The following ARHGEF28 variants were observed in gnomAD, a reference collection of about 807,000 sequenced individuals.
The protein encoded by ARHGEF28 is Rho guanine nucleotide exchange factor 28, also known as 190 kDa guanine nucleotide exchange factor.
In ARHGEF28, 152 loss-of-function variants were observed where a neutral mutation model predicts 206.6. That is an observed-to-expected ratio of 0.74 (90% CI 0.64 to 0.84). The LOEUF (loss-of-function observed/expected upper bound fraction) is 0.84. ARHGEF28 is among the 40% of genes least tolerant of loss of function. The pLI is 0.00. For synonymous variants in ARHGEF28, 763 were observed against 776.4 expected (o/e 0.98, Z 0.29); for missense variants, 2,028 against 2,073.2 (o/e 0.98, Z 0.42).
rs4066802 is a variant in ARHGEF28 at position 73,857,564 on chromosome 5, TACAC to T, written c.1791-72_1791-69del. 417,839 of 1,185,522 alleles carry T rather than the reference TACAC, an allele frequency of 0.35. 53,912 individuals carry two copies. The highest frequency in any genetic ancestry group is 0.43 in the Admixed American group (15,168 of 35,104). The allele number at this position is 1,185,522 out of a possible 1,614,324, so 73.4% of individuals were successfully genotyped here. ...AAATACATACACATACATATATGTG[TACAC>T]ACACACACACACACACACATACACA... On this transcript the variant is annotated intron_variant, in intron 14 of 35. Coordinates refer to ENST00000513042, the MANE Select transcript of ARHGEF28 (RefSeq NM_001177693.2).
intron 1 of ARHGEF28, among the ~76,000 whole-genome samples, chr5:73,637,038 ATTG>A (rs1182564351): frequency 6.6e-6 from 1 of 152,150 alleles, no homozygotes; most frequent in Non-Finnish European, 1.5e-5. Flanking sequence ...AGCTCATGTT[ATTG>A]TTGTCAGAAT....
At chr5:73,699,205 TG>T (rs1652251399) in intron 2 of ARHGEF28, among the ~76,000 whole-genome samples, 1 of 150,792 alleles carries the variant, frequency 6.6e-6, no homozygotes, top group African/African-American at 2.4e-5. Flanking sequence ...GTGTGTGTGG[TG>T]GGGTGGGGAG....
At chr5:73,824,680 G>A (rs1055122611) in intron 9 of ARHGEF28, among the ~76,000 whole-genome samples, 3 of 151,992 alleles carry the variant, frequency 2.0e-5, no homozygotes, top group Non-Finnish European at 2.9e-5. Context: ...GTTGTCCAGG[G>A]TGGTCTTGAA....
chr5:73,858,539 A>G (rs1347259755), intron 16 of ARHGEF28, among the ~76,000 whole-genome samples: 1 of 152,106 alleles, frequency 6.6e-6, no homozygotes, highest in Non-Finnish European at 1.5e-5. Context: ...TTCCAACCAG[A>G]TGTTCATGCC....
intron 1 of ARHGEF28, among the ~76,000 whole-genome samples, chr5:73,678,950 A>G (rs1034115071): frequency 6.6e-6 from 1 of 152,214 alleles, no homozygotes; most frequent in Non-Finnish European, 1.5e-5. Flanking sequence ...GTGCAGTGGC[A>G]CGATCATACC....
intron 4 of ARHGEF28, among the ~76,000 whole-genome samples, chr5:73,771,188 T>C (rs1182007669): frequency 6.6e-6 from 1 of 152,126 alleles, no homozygotes; most frequent in African/African-American, 2.4e-5. Flanking sequence ...GGAAAGAAAA[T>C]TACAATCCAT....
Position 73,870,193 on chromosome 5 carries a change from A to G in ARHGEF28, c.2550A>G (p.Arg850=). 1 of 1,613,746 alleles carries G rather than the reference A, an allele frequency of 6.2e-7. No homozygotes were observed. The highest frequency in any genetic ancestry group is 8.5e-7 in the Non-Finnish European group (1 of 1,179,794). ...CNRQEKDVIK[R]QDVIFELMQT... is the part of the protein sequence containing the mutation. ...GGCAGGAGAAGGATGTCATCAAAAG[A>G]CAGGATGTCATTTTTGGTAAGCGTT... is the stretch of plus-strand genomic sequence containing the variant. Residue 850 remains arginine, a synonymous_variant, in exon 21 of 36, where the codon AGA becomes AGG. Transcript: ENST00000513042.
In ARHGEF28 at chr5:73,893,243, A is replaced by G. The variant is rs781233430; in HGVS notation, c.3613A>G (p.Lys1205Glu). 12 of 1,560,598 alleles carry G rather than the reference A, an allele frequency of 7.7e-6. No individual in the cohort carries two copies. Among genetic ancestry groups the G allele is most frequent in the Non-Finnish European group, 9.5e-6 (11 of 1,152,478 alleles). Residue 1205 changes from lysine to glutamate, a missense_variant, in exon 28 of 36, where the codon AAG (lysine) becomes GAG (glutamate). By Grantham distance (56) the Lys-to-Glu change is moderately conservative. This residue lies in a region of ARHGEF28 where 803 missense variants were observed against 768.0 expected (regional missense o/e 1.05). Transcript: ENST00000513042. ...GGRTSESDED[K>E]RKAEARVAKI... ...AAGGACAAGTGAATCTGATGAAGAC[A>G]AGAGGAAAGCTGAAGCCAGAGTGGC... is the stretch of plus-strand genomic sequence containing the variant.
chr5:73,757,348 T>C (rs73763111), intron 4 of ARHGEF28, among the ~76,000 whole-genome samples: 2,235 of 152,372 alleles, frequency 0.015, 42 homozygotes, highest in African/African-American at 0.051. Flanking sequence ...TGTTCACTTT[T>C]ATTAAAATTT....
intron 9 of ARHGEF28, among the ~76,000 whole-genome samples, chr5:73,801,308 G>A (rs1393208047): frequency 9.2e-5 from 14 of 152,126 alleles, no homozygotes; most frequent in South Asian, 6.2e-4. Flanking sequence ...TTAGCCAGGC[G>A]TGGTGGTAGG....
intron 10 of ARHGEF28, among the ~76,000 whole-genome samples, chr5:73,838,367 T>A (rs574640765): frequency 1.3e-5 from 2 of 152,332 alleles, no homozygotes; most frequent in Non-Finnish European, 2.9e-5. Context: ...TAATCTTATC[T>A]AATTTTCTTT....
intron 1 of ARHGEF28, among the ~76,000 whole-genome samples, chr5:73,683,478 G>C (rs1004878543): frequency 1.3e-5 from 2 of 151,922 alleles, no homozygotes; most frequent in African/African-American, 2.4e-5. Context: ...TTCTGTCTGA[G>C]TTCTTTCACT....
chr5:73,877,205 G>C (rs1385061420), intron 22 of ARHGEF28, among the ~76,000 whole-genome samples: 3 of 151,588 alleles, frequency 2.0e-5, no homozygotes, highest in Non-Finnish European at 2.9e-5. Context: ...TAGTTTATTT[G>C]CATAGAGGTG....
intron 9 of ARHGEF28, among the ~76,000 whole-genome samples, chr5:73,816,871 C>T (rs1331342278): frequency 1.3e-5 from 2 of 152,302 alleles, no homozygotes; most frequent in Admixed American, 6.5e-5. Flanking sequence ...GCCATACTAG[C>T]GGCCCAGCAG....
Position 73,883,795 on chromosome 5 carries a change from G to T in ARHGEF28, c.2966G>T (p.Arg989Leu). The part of the protein sequence containing the change: ...KLRNSNLLAR[R>L]RGIPECILLV... ...CGAAATAGTAATCTTTTGGCTCGAC[G>T]CCGAGGAATTCCAGAATGCATTCTG... Residue 989 changes from arginine to leucine, a missense_variant, in exon 24 of 36, where the codon CGC becomes CTC. Arg to Leu is a moderately radical substitution (Grantham distance 102). Coordinates refer to ENST00000513042, the MANE Select transcript of ARHGEF28 (RefSeq NM_001177693.2). 6.4e-7 allele frequency: 1 copy of T among 1,565,264 alleles called. No individual in the cohort carries two copies. The highest frequency in any genetic ancestry group is 8.7e-7 in the Non-Finnish European group (1 of 1,155,188).
At chr5:73,635,130 G>A (rs1743613694) in intron 1 of ARHGEF28, among the ~76,000 whole-genome samples, 3 of 152,132 alleles carry the variant, frequency 2.0e-5, no homozygotes, top group Admixed American at 1.3e-4. Context: ...GATCACCTGA[G>A]GTGGAGAGTG....
At chr5:73,642,206 C>T (rs530320595) in intron 1 of ARHGEF28, among the ~76,000 whole-genome samples, 8 of 152,286 alleles carry the variant, frequency 5.3e-5, no homozygotes, top group African/African-American at 1.9e-4. Flanking sequence ...GCAGATTTGT[C>T]TTTATAGTGA....
chr5:73,735,377 C>G (rs1750861240), intron 2 of ARHGEF28, among the ~76,000 whole-genome samples: 1 of 152,008 alleles, frequency 6.6e-6, no homozygotes, highest in African/African-American at 2.4e-5. Flanking sequence ...TCCTGTTTTA[C>G]AATTTAGTAG....
intron 26 of ARHGEF28, among the ~76,000 whole-genome samples, chr5:73,888,721 T>C (rs895876655): frequency 3.3e-5 from 5 of 152,218 alleles, no homozygotes; most frequent in Non-Finnish European, 5.9e-5. Flanking sequence ...GATCCTGTAA[T>C]GCTCAACTTA....
Sources: allele counts gnomAD v4.1 joint callset (sites outside exome capture counted in the v4.1 genomes callset), GRCh38; gene constraint gnomAD v4.1.1; regional missense constraint gnomAD v4.1.1; transcripts MANE v1.5; gene names NCBI Gene and HGNC (gene_info 2026-07-23, HGNC 2026-07-21).